Variants in TRIM8 observed in about 807,000 individuals in gnomAD.
The protein encoded by TRIM8 is E3 ubiquitin-protein ligase TRIM8.
Under a neutral mutation model 55.7 loss-of-function variants are expected in TRIM8, and 9 were observed. The ratio of observed to expected loss-of-function variants is 0.16; its 90% CI spans 0.10 to 0.28. TRIM8 has a LOEUF of 0.28. Among genes scored for constraint, TRIM8 ranks in the 10% least tolerant of loss-of-function variants. The pLI, the probability that TRIM8 is intolerant of heterozygous loss-of-function variation, is 1.00. For missense variants in TRIM8, 556 were observed against 736.4 expected, an observed-to-expected ratio of 0.76 and a Z score of 2.83; for synonymous variants, 335 against 333.3, an observed-to-expected ratio of 1.01 and a Z score of -0.06.
intron 1 of TRIM8, 60 bp from the exon 2 acceptor site, chr10:102,654,593 A>G (rs2064008913): frequency 7.8e-7 from 1 of 1,288,218 alleles, no homozygotes; most frequent in Admixed American, 1.7e-5. Flanking sequence ...TGTAGAGGGA[A>G]GCATGGGTCA....
chr10:102,645,905 C>CT (rs1005099927), intron 1 of TRIM8: 2 of 152,294 alleles, frequency 1.3e-5, no homozygotes, highest in Non-Finnish European at 2.9e-5. Context: ...CATCCTGGCC[C>CT]TTTCGCCTAG....
intron 2 of TRIM8, 147 bp from the exon 3 acceptor site, chr10:102,654,933 G>A (rs1368974173): frequency 2.0e-6 from 2 of 986,854 alleles, no homozygotes; most frequent in Non-Finnish European, 3.1e-6. Context: ...TGCTACCAGT[G>A]GGGAACTGGC....
chr10:102,657,103 T>G lies in TRIM8; in HGVS notation c.1405T>G (p.Ser469Ala). The G allele has an allele frequency of 6.2e-7, 1 of 1,613,816 alleles. No homozygotes were observed. The highest frequency in any genetic ancestry group is 8.5e-7 in the Non-Finnish European group (1 of 1,179,982). ...TGGCGGCCGCAAGATTCTCGTCTGTTCTGTGGACAACTGTTACTGTTCTTC... is the reference window on the plus strand; with the variant it reads ...TGGCGGCCGCAAGATTCTCGTCTGTGCTGTGGACAACTGTTACTGTTCTTC... ...QYGGRKILVCSVDNCYCSSVA... is the reference protein window; with the variant it reads ...QYGGRKILVCAVDNCYCSSVA... Residue 469 changes from serine to alanine, a missense_variant, in exon 6 of 6, where the codon TCT (serine) becomes GCT (alanine). Ser to Ala is a moderately conservative substitution (Grantham distance 99). Coordinates refer to ENST00000643721, the MANE Select transcript of TRIM8 (RefSeq NM_030912.3).
In TRIM8 at chr10:102,656,227, G is replaced by A. The variant is rs753997788; in HGVS notation, c.933-43G>A. 1.9e-6 allele frequency: 3 copies of A among 1,613,940 alleles called. No homozygotes were observed. Among genetic ancestry groups the A allele is most frequent in the Admixed American group, 1.7e-5 (1 of 60,000 alleles). Reference sequence around the variant, plus strand: ...GGCGGGGAGGTAGGGCGGGCTCACCGGTGATGCCTCCTCACAGCAGATGCC... The same window carrying A: ...GGCGGGGAGGTAGGGCGGGCTCACCAGTGATGCCTCCTCACAGCAGATGCC... On this transcript the variant is annotated intron_variant, in intron 4 of 5. Transcript: ENST00000643721. The surrounding 1 kb of genome is among the most constrained non-coding windows in gnomAD (Gnocchi z 4.6).
chr10:102,656,423 C>A lies in TRIM8; in HGVS notation c.1048+38C>A. 1 of 1,583,960 alleles carries A rather than the reference C, an allele frequency of 6.3e-7. No homozygotes were observed. Among genetic ancestry groups the A allele is most frequent in the East Asian group, 2.3e-5 (1 of 43,106 alleles). On this transcript the variant is annotated intron_variant, in intron 5 of 5. Coordinates refer to ENST00000643721, the MANE Select transcript of TRIM8 (RefSeq NM_030912.3). This position sits in a 1 kb window ranked among gnomAD's most constrained non-coding sequence, Gnocchi z 4.6. ...TGTTCCGCCGAAGGGAGACAGGGAC[C>A]TTTGGGGAGGGGTTCAGCGCCACAG...
In TRIM8 at chr10:102,655,075, C is replaced by T. The variant is rs769868062; in HGVS notation, c.667-5C>T. 8.1e-6 allele frequency: 13 copies of T among 1,612,624 alleles called. No individual in the cohort carries two copies. Among genetic ancestry groups the T allele is most frequent in the Non-Finnish European group, 1.0e-5 (12 of 1,179,408 alleles). ...CCTGCCCACTCCTGCCCTCTGTACT[C>T]GCAGGAGAAAGTGAACCAACTGAAG... On this transcript the variant is annotated splice_polypyrimidine_tract_variant and splice_region_variant and intron_variant, in intron 2 of 5. Transcript: ENST00000643721.
chr10:102,653,415 G>C (rs1199632333), intron 1 of TRIM8: 1 of 152,564 alleles, frequency 6.6e-6, no homozygotes. Flanking sequence ...GGCTGGAAGA[G>C]TCAGGGTGTA....
rs760047139 is a variant in TRIM8, at chr10:102,654,690, G to A, written c.608G>A (p.Arg203Gln). The A allele has an allele frequency of 1.1e-5, 18 of 1,614,064 alleles. No individual in the cohort carries two copies. The highest frequency in any genetic ancestry group is 1.1e-4 in the South Asian group (10 of 91,090). ...AAGCAGCAGGACCGGCTGGAGGAGCGAGAGCAGGACATTGAGGACCAGCTG... is the reference window on the plus strand; with the variant it reads ...AAGCAGCAGGACCGGCTGGAGGAGCAAGAGCAGGACATTGAGGACCAGCTG... ...LMKQQDRLEE[R>Q]EQDIEDQLYK... Residue 203 changes from arginine (R) to glutamine (Q), a missense_variant, in exon 2 of 6, where the codon CGA becomes CAA. Transcript: ENST00000643721.
chr10:102,649,033 G>GGGGT (rs113833195), intron 1 of TRIM8, among the ~76,000 whole-genome samples: 2 of 151,072 alleles, frequency 1.3e-5, no homozygotes, highest in East Asian at 3.9e-4. Flanking sequence ...TCTGTCTGCA[G>GGGGT]GTGTGTGTGT....
chr10:102,657,029 C>T lies in TRIM8; in HGVS notation c.1331C>T (p.Ser444Leu), dbSNP rs1386357224. 3 of 1,612,900 alleles carry T rather than the reference C, an allele frequency of 1.9e-6. No homozygotes were observed. The highest frequency in any genetic ancestry group is 2.5e-6 in the Non-Finnish European group (3 of 1,179,932). ...CACTCAAGCCCCGTGTTCCCCCCAT[C>T]GCAGTATCCCAATGGCTCCGCCGCC... ...PVHSSPVFPP[S>L]QYPNGSAAQQ... The change falls in exon 6 of 6, where the codon TCG becomes TTG. Residue 444 changes from serine to leucine, a missense_variant. This residue lies in a region of TRIM8 where 391 missense variants were observed against 441.0 expected (regional missense o/e 0.89). Transcript: ENST00000643721.
rs1458765147 is a variant in TRIM8 at position 102,657,420 on chromosome 10, T to C, written c.*66T>C. The C allele has an allele frequency of 2.0e-6, 3 of 1,504,354 alleles. No individual in the cohort carries two copies. The East Asian group carries it at 6.9e-5, about 35-fold the overall frequency. The allele number at this position is 1,504,354 out of a possible 1,614,324, so 93.2% of individuals were successfully genotyped here. A position where few individuals can be genotyped will look rare whatever the true frequency, so the allele number is the denominator to read the frequency against. ...AGCCCCCGGGCTCGGGAGTTATGCA[T>C]CCAGAGACCTGCCCTTCTACCTTCC... On this transcript the variant is annotated 3_prime_UTR_variant, in exon 6 of 6. Coordinates refer to ENST00000643721, the MANE Select transcript of TRIM8 (RefSeq NM_030912.3).
rs1399107896 is a variant in TRIM8, at chr10:102,657,900, C to T, written c.*546C>T. On this transcript the variant is annotated 3_prime_UTR_variant, in exon 6 of 6. Transcript: ENST00000643721. ...AAACCAAGAATGATTTCTCCTGCTT[C>T]CTTCTCCTCACCATCTTCCCAGACG... The T allele has an allele frequency of 6.6e-6, 1 of 152,548 alleles. No homozygotes were observed. The highest frequency in any genetic ancestry group is 2.4e-5 in the African/African-American group (1 of 41,386). The allele number at this position is 152,548 out of a possible 1,614,324, so 9.4% of individuals were successfully genotyped here.
intron 1 of TRIM8, among the ~76,000 whole-genome samples, chr10:102,652,309 G>A (rs2063991781): frequency 1.3e-5 from 2 of 152,214 alleles, no homozygotes; most frequent in African/African-American, 4.8e-5. Flanking sequence ...GGGCTGGCGG[G>A]GTGAGGAAGG....
Position 102,656,122 on chromosome 10 carries a change from A to G in TRIM8, c.917A>G (p.Lys306Arg), listed in dbSNP as rs2064021735. 1 of 1,614,138 alleles carries G rather than the reference A, an allele frequency of 6.2e-7. No homozygotes were observed. The change falls in exon 4 of 6, where the codon AAA becomes AGA. Residue 306 changes from lysine (K) to arginine (R), a missense_variant. Transcript: ENST00000643721. This position sits in a 1 kb window ranked among gnomAD's most constrained non-coding sequence, Gnocchi z 4.6. ...CCCCAACAGAACACCAAGTCTGTGA[A>G]AATCCTGATGGACAGGTAAGCTGAG... is the stretch of plus-strand genomic sequence containing the variant. ...VSFMKNTKSV[K>R]ILMDRTQTCT...
At position 102,656,220 on chromosome 10, in the gene TRIM8, G is replaced by A. The variant is rs2064023271; in HGVS notation, c.933-50G>A. The A allele has an allele frequency of 6.2e-7, 1 of 1,614,052 alleles. No homozygotes were observed. The highest frequency in any genetic ancestry group is 2.2e-5 in the East Asian group (1 of 44,886). ...GGCCCATGGCGGGGAGGTAGGGCGG[G>A]CTCACCGGTGATGCCTCCTCACAGC... On this transcript the variant is annotated intron_variant, in intron 4 of 5. Transcript: ENST00000643721. This position sits in a 1 kb window ranked among gnomAD's most constrained non-coding sequence, Gnocchi z 4.6.
intron 3 of TRIM8, among the ~76,000 whole-genome samples, chr10:102,655,523 T>G (rs552280642): frequency 2.0e-5 from 3 of 152,332 alleles, no homozygotes; most frequent in South Asian, 4.1e-4. Context: ...CGAAGTGGTG[T>G]TGATGATACA....
In TRIM8 at chr10:102,657,666, C is replaced by T. The variant is rs2064039203; in HGVS notation, c.*312C>T. 2 of 246,304 alleles carry T rather than the reference C, an allele frequency of 8.1e-6. No homozygotes were observed. The highest frequency in any genetic ancestry group is 5.2e-5 in the Admixed American group (1 of 19,270). 15.3% of individuals were successfully genotyped at this position (246,304 alleles called of 1,614,324 possible). A position where few individuals can be genotyped will look rare whatever the true frequency, so the allele number is the denominator to read the frequency against. Reference sequence around the variant, plus strand: ...TCTGTTTCTCCTTTTTTCCTCTACTCCTTCCCCTTCACACCCCCGTGGCTG... The same window carrying T: ...TCTGTTTCTCCTTTTTTCCTCTACTTCTTCCCCTTCACACCCCCGTGGCTG... On this transcript the variant is annotated 3_prime_UTR_variant, in exon 6 of 6. Coordinates refer to ENST00000643721, the MANE Select transcript of TRIM8 (RefSeq NM_030912.3).
In TRIM8 at chr10:102,657,520, T is replaced by C; in HGVS notation, c.*166T>C. ...TTTTGTTTTGGTTTTGGCTTTGTTT[T>C]TGATTTTTTTTTATTATGAATCTCC... On this transcript the variant is annotated 3_prime_UTR_variant, in exon 6 of 6. Coordinates refer to ENST00000643721, the MANE Select transcript of TRIM8 (RefSeq NM_030912.3). 1 of 917,774 alleles carries C rather than the reference T, an allele frequency of 1.1e-6. No homozygotes were observed. The highest frequency in any genetic ancestry group is 2.9e-5 in the East Asian group (1 of 34,714). 56.9% of individuals were successfully genotyped at this position (917,774 alleles called of 1,614,324 possible). A position where few individuals can be genotyped will look rare whatever the true frequency, so the allele number is the denominator to read the frequency against.
At chr10:102,648,708 G>A (rs967933093) in intron 1 of TRIM8, among the ~76,000 whole-genome samples, 1 of 152,166 alleles carries the variant, frequency 6.6e-6, no homozygotes, top group Non-Finnish European at 1.5e-5. Flanking sequence ...TGGGGCTGCA[G>A]CCTGACTCCA....
Sources: gnomAD v4.1 joint callset for allele counts (sites outside exome capture counted in the v4.1 genomes callset) on GRCh38, gnomAD v4.1.1 for gene constraint, gnomAD v4.1.1 regional missense constraint, Gnocchi (gnomAD v3.1) non-coding constraint, MANE v1.5 for transcripts, NCBI Gene and HGNC (gene_info 2026-07-23, HGNC 2026-07-21) for gene names.